The following LCA5L variants were observed in gnomAD, a reference collection of about 807,000 sequenced individuals.
The protein encoded by LCA5L is lebercilin LCA5 like.
In LCA5L, 35 loss-of-function variants were observed where a neutral mutation model predicts 45.4. That is an observed-to-expected ratio of 0.77 (90% CI 0.59 to 1.02). The LOEUF (loss-of-function observed/expected upper bound fraction) is 1.02. Among genes scored for constraint, LCA5L ranks in the 50% least tolerant of loss-of-function variants. The pLI is 0.00. For synonymous variants in LCA5L, 233 were observed against 264.7 expected (o/e 0.88, Z 1.16); for missense variants, 668 against 761.6 (o/e 0.88, Z 1.45).
At chr21:39,432,084 C>T (rs2075792579) in intron 3 of LCA5L, among the ~76,000 whole-genome samples, 1 of 152,132 alleles carries the variant, frequency 6.6e-6, no homozygotes, top group South Asian at 2.1e-4. Context: ...TAAAAGTTGT[C>T]ATGAATGCTT....
At chr21:39,411,896 A>C in intron 7 of LCA5L, 94 bp from the exon 8 acceptor site, 1 of 663,676 alleles carries the variant, frequency 1.5e-6, no homozygotes, top group South Asian at 2.1e-5. Context: ...TCAGTATCCT[A>C]TGAATAAAAT....
chr21:39,430,042 A>G (rs1482107790), intron 3 of LCA5L, among the ~76,000 whole-genome samples: 2 of 152,040 alleles, frequency 1.3e-5, no homozygotes, highest in East Asian at 3.9e-4. Flanking sequence ...AAACAAACAA[A>G]CAAAAACAAA....
chr21:39,419,108 C>T (rs754961298), intron 7 of LCA5L, among the ~76,000 whole-genome samples: 5 of 152,068 alleles, frequency 3.3e-5, no homozygotes, highest in Non-Finnish European at 5.9e-5. Context: ...CAACATAATT[C>T]ATCAGATGAA....
chr21:39,413,824 T>A (rs1347975010), intron 7 of LCA5L: 1 of 152,272 alleles, frequency 6.6e-6, no homozygotes, highest in Non-Finnish European at 1.5e-5. Flanking sequence ...ACATTTTGAT[T>A]ACCTGAAAAA....
intron 5 of LCA5L, among the ~76,000 whole-genome samples, chr21:39,424,026 T>G (rs2074206877): frequency 6.6e-6 from 1 of 152,154 alleles, no homozygotes; most frequent in African/African-American, 2.4e-5. Flanking sequence ...TTTTTATTTT[T>G]TTTTGAGATG....
chr21:39,420,699 G>C lies in LCA5L; in HGVS notation c.975+7C>G. The C allele has an allele frequency of 6.2e-7, 1 of 1,606,166 alleles. No homozygotes were observed. The highest frequency in any genetic ancestry group is 8.5e-7 in the Non-Finnish European group (1 of 1,174,156). On this transcript the variant is annotated splice_region_variant and intron_variant, in intron 7 of 10. Coordinates refer to ENST00000288350, the MANE Select transcript of LCA5L (RefSeq NM_152505.4). ...TTCATTCTTACATTTTGTTTTAAAA[G>C]AAATACCTTAAGTTTTTGTTGAAGG...
rs760331078 is a variant in LCA5L, at chr21:39,428,388, CT to C, written c.105del (p.Gly36AlafsTer26). On this transcript the variant is annotated frameshift_variant, in exon 5 of 11. Coordinates refer to ENST00000288350, the MANE Select transcript of LCA5L (RefSeq NM_152505.4). LOFTEE classifies it high-confidence loss of function. Reference protein sequence around the residue: ...RSAACKRSPGTGDFSRNSNAS... With the variant: ...RSAACKRSPGXGDFSRNSNAS... ...GCATTACTGTTCCGTGAAAAATCGC[CT>C]GTGCCTGGGCTTCTCTTGCATGCTG... The C allele has an allele frequency of 8.8e-5, 142 of 1,613,322 alleles. No individual in the cohort carries two copies. The Middle Eastern group carries it at 2.1e-3, about 24-fold the overall frequency.
chr21:39,407,133 G>A (rs1448523433), intron 10 of LCA5L, among the ~76,000 whole-genome samples: 3 of 152,176 alleles, frequency 2.0e-5, no homozygotes, highest in Non-Finnish European at 4.4e-5. Flanking sequence ...AGGCTAAGGT[G>A]GGAGGATCAC....
intron 1 of LCA5L, 62 bp downstream of exon 1, chr21:39,445,663 A>T (rs2077412564): frequency 6.6e-6 from 1 of 152,544 alleles, no homozygotes; most frequent in Non-Finnish European, 1.5e-5. Flanking sequence ...GGAAGGGCCC[A>T]GAGCTGGGGC....
chr21:39,419,458 G>A (rs946930250), intron 7 of LCA5L, among the ~76,000 whole-genome samples: 21 of 150,458 alleles, frequency 1.4e-4, no homozygotes, highest in East Asian at 1.4e-3. Context: ...CCAGGAGTTC[G>A]AGGCTGCAGT....
At chr21:39,411,602 AT>A in intron 8 of LCA5L, 115 bp downstream of exon 8, 1 of 513,210 alleles carries the variant, frequency 1.9e-6, no homozygotes, top group Non-Finnish European at 3.5e-6. Flanking sequence ...CACAAAATGT[AT>A]TTTAATGCCT....
chr21:39,428,468 G>A lies in LCA5L; in HGVS notation c.26C>T (p.Thr9Ile). The change falls in exon 5 of 11, where the codon ACA (threonine) becomes ATA (isoleucine). Residue 9 changes from threonine to isoleucine, a missense_variant. Physicochemically the swap from Thr to Ile is moderately conservative, Grantham distance 89. Transcript: ENST00000288350. ...GCCGAAGAAATGCTCATCTATATTTGTTTTTGTTAGATCAGCCAAAGACAT... is the reference window on the plus strand; with the variant it reads ...GCCGAAGAAATGCTCATCTATATTTATTTTTGTTAGATCAGCCAAAGACAT... MSLADLTK[T>I]NIDEHFFGVA... The A allele has an allele frequency of 6.2e-7, 1 of 1,605,864 alleles. No homozygotes were observed. The highest frequency in any genetic ancestry group is 8.5e-7 in the Non-Finnish European group (1 of 1,177,280).
At chr21:39,432,064 T>C (rs925665955) in intron 3 of LCA5L, among the ~76,000 whole-genome samples, 3 of 152,220 alleles carry the variant, frequency 2.0e-5, no homozygotes, top group African/African-American at 4.8e-5. Flanking sequence ...TTTTGGGAGC[T>C]TACTAAATTT....
At chr21:39,407,187 A>G (rs749577871) in intron 10 of LCA5L, among the ~76,000 whole-genome samples, 7 of 152,250 alleles carry the variant, frequency 4.6e-5, no homozygotes, top group Non-Finnish European at 5.9e-5. Flanking sequence ...TGACTGTGCC[A>G]CTGCATACCA....
At chr21:39,438,050 T>G (rs1457800394) in intron 2 of LCA5L, among the ~76,000 whole-genome samples, 1 of 152,020 alleles carries the variant, frequency 6.6e-6, no homozygotes, top group African/African-American at 2.4e-5. Flanking sequence ...GAAATAAATA[T>G]GAAAGAATAC....
chr21:39,438,033 A>G (rs919732362), intron 2 of LCA5L, among the ~76,000 whole-genome samples: 1 of 152,236 alleles, frequency 6.6e-6, no homozygotes, highest in African/African-American at 2.4e-5. Flanking sequence ...TACAAAATTC[A>G]CATAGAGAAA....
At chr21:39,414,738 CTCTCTGTGTGTGTGTG>C (rs1009472041) in intron 7 of LCA5L, among the ~76,000 whole-genome samples, 9 of 107,376 alleles carry the variant, frequency 8.4e-5, no homozygotes, top group Admixed American at 2.1e-4. Flanking sequence ...CTCTCTCTCT[CTCTCTGTGTGTGTGTG>C]TGTGTGTGTG....
At chr21:39,428,560 A>G (rs2075167332) in intron 4 of LCA5L, 57 bp from the exon 5 acceptor site, 1 of 438,664 alleles carries the variant, frequency 2.3e-6, no homozygotes, top group Non-Finnish European at 3.7e-6. Context: ...TGACATTAAA[A>G]TGAACCTATG....
Position 39,405,894 on chromosome 21 carries a change from T to C in LCA5L, c.2001A>G (p.Lys667=), listed in dbSNP as rs754372619. ...KPSSPTEGKR[K]III is the part of the protein sequence containing the mutation. ...ATATTGATTATATTTAAATAATTAT[T>C]TTTCTTTTTCCTTCTGTAGGTGACG... Residue 667 remains lysine, a synonymous_variant, in exon 11 of 11, where the codon AAA becomes AAG. Coordinates refer to ENST00000288350, the MANE Select transcript of LCA5L (RefSeq NM_152505.4). The C allele has an allele frequency of 6.3e-7, 1 of 1,577,890 alleles. No individual in the cohort carries two copies. Among genetic ancestry groups the C allele is most frequent in the Non-Finnish European group, 8.7e-7 (1 of 1,155,224 alleles).
Sources: gnomAD v4.1 joint callset for allele counts (sites outside exome capture counted in the v4.1 genomes callset) on GRCh38, gnomAD v4.1.1 for gene constraint, MANE v1.5 for transcripts, NCBI Gene and HGNC (gene_info 2026-07-23, HGNC 2026-07-21) for gene names.